PRKAR1A: variants seen among roughly 807,000 people sequenced by gnomAD.
PRKAR1A encodes protein kinase cAMP-dependent type I regulatory subunit alpha, also known as cAMP-dependent protein kinase type I-alpha regulatory subunit.
PRKAR1A carries 3 observed loss-of-function variants against 52.0 expected under a neutral mutation model. That is an observed-to-expected ratio of 0.06 (90% CI 0.03 to 0.15). The LOEUF is 0.15. Among genes scored for constraint, PRKAR1A ranks in the 10% least tolerant of loss-of-function variants. The pLI is 1.00. For missense variants in PRKAR1A, 240 were observed against 477.4 expected (o/e 0.50, Z 4.63); for synonymous variants, 188 against 168.4 (o/e 1.12, Z -0.90).
chr17:68,510,721 G>C (rs1161204224), upstream of PRKAR1A, among the ~76,000 whole-genome samples: 2 of 152,186 alleles, frequency 1.3e-5, no homozygotes, highest in Non-Finnish European at 2.9e-5. Flanking sequence ...CCCTGGAGAA[G>C]GGCCAATGGT....
chr17:68,506,677 T>A, the PRKAR1A span, among the ~76,000 whole-genome samples: 1 of 151,948 alleles, frequency 6.6e-6, no homozygotes, highest in Admixed American at 6.6e-5. Context: ...AGAGACGGGG[T>A]TTCACCATAT....
chr17:68,427,051 G>C, the PRKAR1A span: 1 of 1,160,094 alleles, frequency 8.6e-7, no homozygotes, highest in Non-Finnish European at 1.3e-6. Flanking sequence ...TAACAGTGAA[G>C]GGGGAAGGGG....
chr17:68,421,864 G>A, the PRKAR1A span: 1 of 1,613,182 alleles, frequency 6.2e-7, no homozygotes. Context: ...CTCAGGAAGA[G>A]GCTGGTAGGC....
the PRKAR1A span, among the ~76,000 whole-genome samples, chr17:68,416,966 C>T: frequency 1.8e-4 from 28 of 152,276 alleles, no homozygotes; most frequent in African/African-American, 6.7e-4. Context: ...AATTCTTTTT[C>T]AGGTTAATCA....
chr17:68,514,138 T>C (rs1430558458), intron 1 of PRKAR1A, among the ~76,000 whole-genome samples: 1 of 152,254 alleles, frequency 6.6e-6, no homozygotes, highest in Non-Finnish European at 1.5e-5. Context: ...GTGCTTGTCT[T>C]GGAGCCACGA....
chr17:68,502,595 T>C, the PRKAR1A span, among the ~76,000 whole-genome samples: 3 of 151,902 alleles, frequency 2.0e-5, no homozygotes, highest in East Asian at 5.8e-4. Flanking sequence ...CTACTAAAAA[T>C]ACAAAAATTA....
At chr17:68,529,047 A>G in intron 9 of PRKAR1A, 56 bp downstream of exon 9, 1 of 1,606,830 alleles carries the variant, frequency 6.2e-7, no homozygotes, top group East Asian at 2.2e-5. Flanking sequence ...TCAGAATTTA[A>G]TACTTTAAAA....
chr17:68,542,775 C>G lies in PRKAR1A; in HGVS notation c.974-8309C>G, dbSNP rs2086364920. 3.7e-6 allele frequency: 6 copies of G among 1,614,140 alleles called. No individual in the cohort carries two copies. Among genetic ancestry groups the G allele is most frequent in the Non-Finnish European group, 5.1e-6 (6 of 1,180,010 alleles). On this transcript the variant is annotated intron_variant, in intron 11 of 11. Coordinates refer to the PRKAR1A transcript ENST00000585981. ...TCCTTGGTGACATTTACTATCCTCC[C>G]CACTGTTGGCGGCACCCGTCGGAAG...
downstream of PRKAR1A, chr17:68,535,117 C>G (rs1314996156): frequency 2.7e-6 from 1 of 365,424 alleles, no homozygotes; most frequent in Non-Finnish European, 5.3e-6. Flanking sequence ...GAAAAGTTCT[C>G]AGAGTCAAGA....
At chr17:68,420,606 T>G in the PRKAR1A span, 1 of 984,206 alleles carries the variant, frequency 1.0e-6, no homozygotes, top group East Asian at 2.4e-5. Flanking sequence ...ATATCCCTTC[T>G]GTATCCTGTC....
chr17:68,477,779 G>A, the PRKAR1A span, among the ~76,000 whole-genome samples: 1 of 151,704 alleles, frequency 6.6e-6, no homozygotes. Flanking sequence ...CTGGAGTGCA[G>A]TGGTGCCATC....
chr17:68,540,634 T>C (rs1367598019), intron 11 of PRKAR1A: 2 of 663,512 alleles, frequency 3.0e-6, no homozygotes, highest in East Asian at 3.2e-5. Flanking sequence ...GCCTGCCTTA[T>C]GAGTGACGAC....
chr17:68,496,981 G>A, the PRKAR1A span, among the ~76,000 whole-genome samples: 6 of 151,810 alleles, frequency 4.0e-5, no homozygotes, highest in African/African-American at 7.3e-5. Flanking sequence ...ACACCACCAT[G>A]TCTGGCCCAT....
At position 68,523,014 on chromosome 17, in the gene PRKAR1A, A is replaced by G. The variant is rs559473017; in HGVS notation, c.348+88A>G. The G allele has an allele frequency of 4.0e-4, 602 of 1,514,234 alleles. 2 individuals carry two copies. Among genetic ancestry groups the G allele is most frequent in the Non-Finnish European group, 4.8e-4 (531 of 1,111,304 alleles). 93.8% of individuals were successfully genotyped at this position (1,514,234 alleles called of 1,614,324 possible). On this transcript the variant is annotated intron_variant, in intron 3 of 10. Coordinates refer to ENST00000589228, the MANE Select transcript of PRKAR1A (RefSeq NM_002734.5). ...TCCTTTGATGAATGAATCATAAAAT[A>G]CAAAACAGGGTGGAACTTCATCCAT...
chr17:68,457,592 T>TCCCCGCCCCTA, the PRKAR1A span: 4 of 292,440 alleles, frequency 1.4e-5, no homozygotes, highest in South Asian at 7.4e-4. Context: ...CCCCGCCCCG[T>TCCCCGCCCCTA]CCCCGCCGCG....
intron 7 of PRKAR1A, 47 bp downstream of exon 7, chr17:68,525,959 C>A: frequency 6.3e-7 from 1 of 1,594,120 alleles, no homozygotes. Context: ...TTCTCATCTA[C>A]GTAACTAATG....
chr17:68,483,532 C>T, the PRKAR1A span, among the ~76,000 whole-genome samples: 3,914 of 152,112 alleles, frequency 0.026, 159 homozygotes, highest in African/African-American at 0.089. Flanking sequence ...AGGAGGTGGT[C>T]CTTTTTCACT....
chr17:68,447,788 C>T, the PRKAR1A span, among the ~76,000 whole-genome samples: 36,585 of 151,696 alleles, frequency 0.24, 4,927 homozygotes, highest in Non-Finnish European at 0.31. Context: ...GTCAGGAGAT[C>T]GAGAACATCC....
chr17:68,470,668 G>A, the PRKAR1A span, among the ~76,000 whole-genome samples: 2 of 152,118 alleles, frequency 1.3e-5, no homozygotes, highest in African/African-American at 2.4e-5. Flanking sequence ...TTAATAATTC[G>A]TTGCTTTTAT....
Sources: allele counts gnomAD v4.1 joint callset (sites outside exome capture counted in the v4.1 genomes callset), GRCh38; gene constraint gnomAD v4.1.1; transcripts MANE v1.5; gene names NCBI Gene and HGNC (gene_info 2026-07-23, HGNC 2026-07-21).